ANKRD44: variants seen among roughly 807,000 people sequenced by gnomAD.
ANKRD44 encodes the protein serine/threonine-protein phosphatase 6 regulatory ankyrin repeat subunit B.
A neutral mutation model predicts 116.0 loss-of-function variants in ANKRD44; 35 were observed. The ratio of observed to expected loss-of-function variants is 0.30; its 90% CI spans 0.23 to 0.40. The LOEUF (loss-of-function observed/expected upper bound fraction) is 0.40, where lower values mean the gene tolerates loss of function less well. Among genes scored for constraint, ANKRD44 ranks in the 10% least tolerant of loss-of-function variants. The pLI, the probability that ANKRD44 is intolerant of heterozygous loss-of-function variation, is 1.00. For missense variants in ANKRD44, 1,014 were observed against 1,242.6 expected, an observed-to-expected ratio of 0.82 and a Z score of 2.77; for synonymous variants, 435 against 461.8, an observed-to-expected ratio of 0.94 and a Z score of 0.74.
At chr2:197,141,351 AT>A (rs2079361792) in intron 3 of ANKRD44, among the ~76,000 whole-genome samples, 1 of 152,140 alleles carries the variant, frequency 6.6e-6, no homozygotes, top group Non-Finnish European at 1.5e-5. Flanking sequence ...TTTTCTGAGA[AT>A]TACTTGTTCA....
chr2:197,000,606 TA>T, intron 22 of ANKRD44, 104 bp from the exon 23 acceptor site: 1 of 922,072 alleles, frequency 1.1e-6, no homozygotes, highest in Admixed American at 2.2e-5. Context: ...CTGAAGCATT[TA>T]AAAAATCGAA....
At chr2:197,245,608 C>T (rs2712886) in intron 1 of ANKRD44, among the ~76,000 whole-genome samples, 50,764 of 152,032 alleles carry the variant, frequency 0.33, 8,874 homozygotes, top group African/African-American at 0.39. Context: ...TAGTCTTTTC[C>T]CACCTAAAGG....
chr2:197,176,823 T>TA (rs1196829765), intron 2 of ANKRD44, among the ~76,000 whole-genome samples: 5 of 152,048 alleles, frequency 3.3e-5, no homozygotes, highest in Non-Finnish European at 5.9e-5. Context: ...AACCTCCTGG[T>TA]AAAAAATCTT....
chr2:197,118,688 C>T (rs2078780992), intron 8 of ANKRD44, among the ~76,000 whole-genome samples: 1 of 121,088 alleles, frequency 8.3e-6, no homozygotes, highest in Non-Finnish European at 1.8e-5. Context: ...AAACCTAAAT[C>T]ATAATTTTGT....
intron 8 of ANKRD44, among the ~76,000 whole-genome samples, chr2:197,120,545 G>T (rs2078828257): frequency 6.6e-6 from 1 of 152,124 alleles, no homozygotes; most frequent in African/African-American, 2.4e-5. Flanking sequence ...CAGCTACTGG[G>T]GAGGCTGAGG....
At chr2:197,053,286 G>T (rs7587409) in intron 16 of ANKRD44, among the ~76,000 whole-genome samples, 128,676 of 152,002 alleles carry the variant, frequency 0.85, 56,849 homozygotes, top group East Asian at 1. Context: ...AACCAGAATG[G>T]AAACAGTAGT....
At chr2:197,239,089 G>T (rs981335870) in intron 1 of ANKRD44, among the ~76,000 whole-genome samples, 3 of 152,094 alleles carry the variant, frequency 2.0e-5, no homozygotes, top group African/African-American at 7.2e-5. Context: ...ATCCACAATG[G>T]CTGCTCAAGT....
At chr2:197,108,534 C>T (rs1254897707) in intron 9 of ANKRD44, among the ~76,000 whole-genome samples, 2 of 152,044 alleles carry the variant, frequency 1.3e-5, no homozygotes, top group South Asian at 2.1e-4. Context: ...TTTAGGTCTC[C>T]CCCAACTCAA....
intron 9 of ANKRD44, among the ~76,000 whole-genome samples, chr2:197,105,814 C>T (rs568719182): frequency 4.5e-4 from 68 of 152,136 alleles, no homozygotes; most frequent in African/African-American, 1.4e-3. Context: ...CCAGTGTGCA[C>T]GTATCCATAT....
At chr2:197,129,513 G>A (rs1175898895) in intron 4 of ANKRD44, among the ~76,000 whole-genome samples, 4 of 152,164 alleles carry the variant, frequency 2.6e-5, no homozygotes, top group Admixed American at 6.5e-5. Flanking sequence ...CCCAGTTAAC[G>A]TTCTGTTTTA....
intron 1 of ANKRD44, among the ~76,000 whole-genome samples, chr2:197,216,628 A>C (rs759462632): frequency 3.3e-5 from 5 of 152,160 alleles, no homozygotes; most frequent in Non-Finnish European, 7.4e-5. Context: ...GCCCGTTTCT[A>C]AGATACTGAG....
chr2:197,154,414 C>T lies in ANKRD44; in HGVS notation c.112-7309G>A, dbSNP rs6740694. 9.2e-3 allele frequency among the ~76,000 whole-genome samples: 1,406 copies of T among 152,000 alleles called. 14 individuals are homozygous for T. Among genetic ancestry groups the T allele is most frequent in the African/African-American group, 0.031 (1,293 of 41,464 alleles). ...CAGGATGGTCTCGATCTCCTGACCT[C>T]GTGATCCGCCCGCCTCGGCCTCCCA... On this transcript the variant is annotated intron_variant, in intron 2 of 27. Coordinates refer to ENST00000282272, the MANE Select transcript of ANKRD44 (RefSeq NM_001195144.2).
intron 1 of ANKRD44, among the ~76,000 whole-genome samples, chr2:197,255,706 G>C (rs572356789): frequency 6.6e-6 from 1 of 152,338 alleles, no homozygotes; most frequent in Admixed American, 6.5e-5. Flanking sequence ...CGGCCCCCTG[G>C]GTTTCCCCAG....
chr2:197,024,622 A>T (rs1313253202), intron 17 of ANKRD44, among the ~76,000 whole-genome samples: 1 of 152,198 alleles, frequency 6.6e-6, no homozygotes, highest in East Asian at 1.9e-4. Flanking sequence ...GTTACTGGTG[A>T]TAAAATAACT....
In ANKRD44 at chr2:197,121,569, G is replaced by A. The variant is rs373944003; in HGVS notation, c.694-25C>T. The A allele has an allele frequency of 4.9e-5, 79 of 1,601,208 alleles. 1 individual carries two copies. In the Middle Eastern group the frequency reaches 1.2e-3, roughly 23 times the overall value. The stretch of plus-strand genomic sequence containing the variant: ...TCTGCAAAAGAGTCCAACACAGGGT[G>A]ATTAAAGTCATTAGAGCCAGTTTAC... On this transcript the variant is annotated intron_variant, in intron 7 of 27. Coordinates refer to ENST00000282272, the MANE Select transcript of ANKRD44 (RefSeq NM_001195144.2).
intron 1 of ANKRD44, among the ~76,000 whole-genome samples, chr2:197,204,192 GA>G (rs986339919): frequency 2.0e-5 from 3 of 151,942 alleles, no homozygotes; most frequent in Admixed American, 2.0e-4. Flanking sequence ...GGAAAATGTG[GA>G]AAAAAAGCAG....
At chr2:197,142,308 G>C (rs1422556664) in intron 3 of ANKRD44, among the ~76,000 whole-genome samples, 2 of 152,182 alleles carry the variant, frequency 1.3e-5, no homozygotes, top group African/African-American at 2.4e-5. Context: ...GACTGAGTGT[G>C]ACTGAAAAAT....
At chr2:197,159,038 G>A (rs1281211662) in intron 2 of ANKRD44, among the ~76,000 whole-genome samples, 7 of 151,686 alleles carry the variant, frequency 4.6e-5, no homozygotes, top group Admixed American at 4.6e-4. Context: ...ATTAGAAAAA[G>A]TTAAACAGAA....
intron 21 of ANKRD44, among the ~76,000 whole-genome samples, chr2:196,975,958 C>T (rs1333116448): frequency 6.6e-6 from 1 of 151,820 alleles, no homozygotes; most frequent in Admixed American, 6.6e-5. Flanking sequence ...TAGAATCCAA[C>T]AACATATAAA....
Sources: gnomAD v4.1 joint callset for allele counts (sites outside exome capture counted in the v4.1 genomes callset) on GRCh38, gnomAD v4.1.1 for gene constraint, MANE v1.5 for transcripts, NCBI Gene and HGNC (gene_info 2026-07-23, HGNC 2026-07-21) for gene names.